The following FOXP1 variants were observed in gnomAD, a reference collection of about 807,000 sequenced individuals.
The protein encoded by FOXP1 is forkhead box protein P1.
FOXP1 carries 15 observed loss-of-function variants against 98.2 expected under a neutral mutation model. That is an observed-to-expected ratio of 0.15 (90% CI 0.10 to 0.24). The LOEUF (loss-of-function observed/expected upper bound fraction) is 0.24, where lower values mean the gene tolerates loss of function less well. Ranked by LOEUF, FOXP1 falls within the 10% of genes least tolerant of loss-of-function variation. The probability of loss-of-function intolerance (pLI) is 1.00; values close to 1 mark genes in which losing one functional copy is unlikely to be tolerated. For synonymous variants in FOXP1, 371 were observed against 314.5 expected, an observed-to-expected ratio of 1.18 and a Z score of -1.90; for missense variants, 633 against 848.5, an observed-to-expected ratio of 0.75 and a Z score of 3.15.
chr3:71,375,821 G>C (rs1037827933), intron 3 of FOXP1, among the ~76,000 whole-genome samples: 1 of 152,130 alleles, frequency 6.6e-6, no homozygotes, highest in South Asian at 2.1e-4. Flanking sequence ...AGAAGGAAAC[G>C]GACTTGGTAA....
At chr3:71,308,165 G>A (rs531166747) in intron 4 of FOXP1, among the ~76,000 whole-genome samples, 13 of 152,154 alleles carry the variant, frequency 8.5e-5, no homozygotes, top group African/African-American at 2.2e-4. Flanking sequence ...ATGGGGGGGC[G>A]TAGTTGCAGT....
At chr3:71,552,403 C>T (rs2045846993) in intron 2 of FOXP1, among the ~76,000 whole-genome samples, 1 of 151,506 alleles carries the variant, frequency 6.6e-6, no homozygotes, top group Non-Finnish European at 1.5e-5. Flanking sequence ...CACATAACTA[C>T]AAAATTTTCA....
chr3:71,491,068 T>G (rs977391500), intron 3 of FOXP1, among the ~76,000 whole-genome samples: 1 of 152,142 alleles, frequency 6.6e-6, no homozygotes, highest in African/African-American at 2.4e-5. Flanking sequence ...CAGGCTGGAG[T>G]GCAGTGGCAC....
chr3:71,433,850 C>T (rs2084958938), intron 3 of FOXP1, among the ~76,000 whole-genome samples: 2 of 152,222 alleles, frequency 1.3e-5, no homozygotes, highest in Non-Finnish European at 1.5e-5. Flanking sequence ...CACTTACCTG[C>T]ATTGTCTGCC....
intron 4 of FOXP1, among the ~76,000 whole-genome samples, chr3:71,321,989 C>T (rs938939529): frequency 6.6e-6 from 1 of 152,208 alleles, no homozygotes; most frequent in African/African-American, 2.4e-5. Flanking sequence ...CTTTCTTCAT[C>T]GGGAAAATGG....
chr3:71,195,934 G>T (rs1429790667), intron 6 of FOXP1, among the ~76,000 whole-genome samples: 2 of 152,132 alleles, frequency 1.3e-5, no homozygotes, highest in Admixed American at 1.3e-4. Context: ...ATATTTTCAG[G>T]CCTGTAGTTT....
chr3:71,397,384 T>A (rs1245040141), intron 3 of FOXP1, among the ~76,000 whole-genome samples: 5 of 152,076 alleles, frequency 3.3e-5, no homozygotes, highest in African/African-American at 9.7e-5. Flanking sequence ...GAACGTTTTA[T>A]CTGGATGGAT....
At chr3:71,486,632 G>A (rs2090673121) in intron 3 of FOXP1, among the ~76,000 whole-genome samples, 1 of 152,124 alleles carries the variant, frequency 6.6e-6, no homozygotes, top group South Asian at 2.1e-4. Context: ...AAATTAAAAT[G>A]TACATTAGCT....
chr3:71,012,982 T>C (rs1226956505), intron 12 of FOXP1, among the ~76,000 whole-genome samples: 1 of 152,204 alleles, frequency 6.6e-6, no homozygotes, highest in Non-Finnish European at 1.5e-5. Flanking sequence ...AATGATTCAG[T>C]GATATTATGA....
At chr3:71,254,431 T>C (rs2068465986) in intron 5 of FOXP1, among the ~76,000 whole-genome samples, 1 of 152,224 alleles carries the variant, frequency 6.6e-6, no homozygotes, top group Non-Finnish European at 1.5e-5. Flanking sequence ...AAAAAGTTTT[T>C]CCTTATTGGT....
At chr3:71,293,817 T>C (rs1243836172) in intron 5 of FOXP1, among the ~76,000 whole-genome samples, 1 of 152,196 alleles carries the variant, frequency 6.6e-6, no homozygotes, top group Non-Finnish European at 1.5e-5. Flanking sequence ...CGTTTAACTG[T>C]TGAGAGGCCA....
At chr3:71,335,771 G>T (rs773437979) in intron 4 of FOXP1, among the ~76,000 whole-genome samples, 1 of 152,046 alleles carries the variant, frequency 6.6e-6, no homozygotes, top group South Asian at 2.1e-4. Context: ...TTGGGAGGCC[G>T]AGGCAGGTGG....
chr3:71,132,327 G>A (rs914684427), intron 6 of FOXP1, among the ~76,000 whole-genome samples: 3 of 152,256 alleles, frequency 2.0e-5, no homozygotes, highest in Non-Finnish European at 4.4e-5. Context: ...CACACAAATA[G>A]ATGTGTTCTG....
intron 2 of FOXP1, among the ~76,000 whole-genome samples, chr3:71,566,437 T>G (rs2046918330): frequency 6.6e-6 from 1 of 152,168 alleles, no homozygotes; most frequent in Admixed American, 6.5e-5. Context: ...GTAAACACAT[T>G]CAAATCCCAA....
chr3:71,476,124 A>G (rs541291627), intron 3 of FOXP1, among the ~76,000 whole-genome samples: 2 of 152,304 alleles, frequency 1.3e-5, no homozygotes, highest in South Asian at 4.1e-4. Context: ...CTTCAACTAG[A>G]TATGTCAGTA....
At chr3:71,006,003 A>G (rs2107653774) in intron 12 of FOXP1, among the ~76,000 whole-genome samples, 1 of 152,220 alleles carries the variant, frequency 6.6e-6, no homozygotes, top group East Asian at 1.9e-4. Flanking sequence ...CAAACACAGG[A>G]GGAACACGGG....
chr3:71,500,422 T>C (rs1475054762), intron 2 of FOXP1, among the ~76,000 whole-genome samples: 1 of 152,208 alleles, frequency 6.6e-6, no homozygotes, highest in Non-Finnish European at 1.5e-5. Flanking sequence ...CAAACCCTGC[T>C]CTAGAGAACA....
At chr3:71,531,755 C>A (rs924632529) in intron 2 of FOXP1, among the ~76,000 whole-genome samples, 11 of 152,164 alleles carry the variant, frequency 7.2e-5, no homozygotes, top group Admixed American at 7.2e-4. Context: ...AAGTTGAAAC[C>A]TACATGGAAA....
chr3:71,489,912 T>C (rs1157035888), intron 3 of FOXP1, among the ~76,000 whole-genome samples: 1 of 152,246 alleles, frequency 6.6e-6, no homozygotes, highest in African/African-American at 2.4e-5. Flanking sequence ...TCTGGATGCC[T>C]ACCTCTGTAA....
Sources: allele counts gnomAD v4.1 joint callset (sites outside exome capture counted in the v4.1 genomes callset), GRCh38; gene constraint gnomAD v4.1.1; transcripts MANE v1.5; gene names NCBI Gene and HGNC (gene_info 2026-07-23, HGNC 2026-07-21).